Variants in FAM13C observed in about 807,000 individuals in gnomAD.
FAM13C encodes protein FAM13C.
FAM13C carries 37 observed loss-of-function variants against 73.2 expected under a neutral mutation model. The observed-to-expected ratio is 0.51, with a 90% CI of 0.39 to 0.67. The LOEUF is 0.67. FAM13C is among the 30% of genes least tolerant of loss of function. The pLI, the probability that FAM13C is intolerant of heterozygous loss-of-function variation, is 0.00. For missense variants in FAM13C, 589 were observed against 715.6 expected (o/e 0.82, Z 2.02); for synonymous variants, 246 against 260.9 (o/e 0.94, Z 0.55).
At chr10:59,281,989 G>T (rs1309088475) in intron 6 of FAM13C, among the ~76,000 whole-genome samples, 1 of 152,174 alleles carries the variant, frequency 6.6e-6, no homozygotes, top group Non-Finnish European at 1.5e-5. Flanking sequence ...AAGGGATGTT[G>T]TCTAAATAAT....
chr10:59,336,395 C>T (rs921129945), intron 3 of FAM13C, among the ~76,000 whole-genome samples: 3 of 152,198 alleles, frequency 2.0e-5, no homozygotes, highest in African/African-American at 7.2e-5. Flanking sequence ...GTCAATTCTG[C>T]AGTGTGTAAT....
chr10:59,287,900 CACTT>C (rs1845789570), intron 5 of FAM13C, among the ~76,000 whole-genome samples: 1 of 152,208 alleles, frequency 6.6e-6, no homozygotes, highest in Non-Finnish European at 1.5e-5. Context: ...CTTGACTCAT[CACTT>C]TACCCCCCAG....
At chr10:59,302,977 G>A in intron 4 of FAM13C, 113 bp from the exon 5 acceptor site, 1 of 843,478 alleles carries the variant, frequency 1.2e-6, no homozygotes. Context: ...CCTTGGTTGT[G>A]TCCCACTGCC....
intron 3 of FAM13C, among the ~76,000 whole-genome samples, chr10:59,328,965 T>A (rs1387025300): frequency 6.6e-6 from 1 of 152,170 alleles, no homozygotes; most frequent in Non-Finnish European, 1.5e-5. Flanking sequence ...CCTTCACATA[T>A]CTGTGAAAGT....
intron 3 of FAM13C, among the ~76,000 whole-genome samples, chr10:59,331,039 C>T (rs1851900639): frequency 6.6e-6 from 1 of 152,154 alleles, no homozygotes; most frequent in African/African-American, 2.4e-5. Context: ...GACATACATT[C>T]ATCATTCAAA....
intron 9 of FAM13C, 62 bp from the exon 10 acceptor site, chr10:59,262,707 G>C: frequency 7.1e-7 from 1 of 1,416,382 alleles, no homozygotes; most frequent in Admixed American, 1.9e-5. Context: ...AGAATGGAGA[G>C]ACTTTCAGGA....
intron 6 of FAM13C, among the ~76,000 whole-genome samples, chr10:59,274,103 G>A (rs1363211192): frequency 6.6e-6 from 1 of 152,132 alleles, no homozygotes; most frequent in Non-Finnish European, 1.5e-5. Flanking sequence ...ATTCTAATGA[G>A]GTTCAGGCCT....
intron 3 of FAM13C, among the ~76,000 whole-genome samples, chr10:59,325,255 G>A (rs1416644706): frequency 6.6e-6 from 1 of 152,138 alleles, no homozygotes; most frequent in African/African-American, 2.4e-5. Flanking sequence ...CAATGTGTCA[G>A]GTGTCTTAGA....
intron 5 of FAM13C, 53 bp from the exon 6 acceptor site, chr10:59,283,500 A>G: frequency 6.3e-7 from 1 of 1,576,478 alleles, no homozygotes; most frequent in South Asian, 1.1e-5. Context: ...TTGCAGCTTC[A>G]GCAAGGAATT....
rs77957968 is a variant in FAM13C, at chr10:59,362,382, T to C, written c.62+17A>G. On this transcript the variant is annotated intron_variant, in intron 1 of 13. Transcript: ENST00000618804. Reference sequence around the variant, plus strand: ...GAAAGGCATGCAAGTCTAATTTTAATGGTAAGAATCACTTACTCTGTTACA... The same window carrying C: ...GAAAGGCATGCAAGTCTAATTTTAACGGTAAGAATCACTTACTCTGTTACA... 5.5e-3 allele frequency: 8,928 copies of C among 1,613,238 alleles called. 496 individuals carry two copies. The African/African-American group carries it at 0.11, about 19-fold the overall frequency.
intron 8 of FAM13C, among the ~76,000 whole-genome samples, chr10:59,267,576 A>G (rs548212628): frequency 6.6e-6 from 1 of 152,208 alleles, no homozygotes; most frequent in South Asian, 2.1e-4. Flanking sequence ...TGCAAAGCTA[A>G]AATCTGCTCC....
rs115328353 is a variant in FAM13C at position 59,300,536 on chromosome 10, G to A, written c.507+2265C>T. 5.4e-3 allele frequency among the ~76,000 whole-genome samples: 823 copies of A among 152,186 alleles called. 12 individuals are homozygous for A. The highest frequency in any genetic ancestry group is 0.019 in the African/African-American group (785 of 41,522). On this transcript the variant is annotated intron_variant, in intron 5 of 13. Transcript: ENST00000618804. ...CTTACATGTTTATTTAGAGATGGGA[G>A]GCATACTCCTGTAAAAAGTCAGCTG...
chr10:59,261,593 A>C (rs959920723), intron 10 of FAM13C, among the ~76,000 whole-genome samples: 1 of 152,226 alleles, frequency 6.6e-6, no homozygotes, highest in South Asian at 2.1e-4. Context: ...ATGACCTATA[A>C]ATAGTGCTTC....
At chr10:59,253,338 G>A (rs1347784191) in intron 11 of FAM13C, among the ~76,000 whole-genome samples, 1 of 152,106 alleles carries the variant, frequency 6.6e-6, no homozygotes, top group African/African-American at 2.4e-5. Context: ...AGACCTTCTG[G>A]GCTCCAGCTT....
chr10:59,329,354 T>G (rs1851639007), intron 3 of FAM13C, among the ~76,000 whole-genome samples: 5 of 37,488 alleles, frequency 1.3e-4, no homozygotes, highest in African/African-American at 9.9e-4. Context: ...TTTTTTTTTT[T>G]TTTTTTTTTT....
intron 5 of FAM13C, among the ~76,000 whole-genome samples, chr10:59,284,436 C>G (rs1845309874): frequency 6.6e-6 from 1 of 151,890 alleles, no homozygotes; most frequent in Admixed American, 6.6e-5. Context: ...AGCAGAGCCA[C>G]TGGTCCTTTC....
At chr10:59,316,868 C>A (rs1360484598) in intron 4 of FAM13C, among the ~76,000 whole-genome samples, 1 of 151,860 alleles carries the variant, frequency 6.6e-6, no homozygotes, top group Non-Finnish European at 1.5e-5. Context: ...TTAAGCAGGA[C>A]AAACAAGTTA....
intron 4 of FAM13C, among the ~76,000 whole-genome samples, chr10:59,308,808 G>C (rs1848590234): frequency 6.6e-6 from 1 of 152,172 alleles, no homozygotes; most frequent in South Asian, 2.1e-4. Flanking sequence ...TTCTAAAAAT[G>C]TTTGATGTTC....
At chr10:59,270,541 G>A (rs939727922) in intron 6 of FAM13C, among the ~76,000 whole-genome samples, 1 of 151,964 alleles carries the variant, frequency 6.6e-6, no homozygotes, top group Non-Finnish European at 1.5e-5. Context: ...GGGAGTAGGA[G>A]GAAAAGAGAG....
Sources: allele counts gnomAD v4.1 joint callset (sites outside exome capture counted in the v4.1 genomes callset), GRCh38; gene constraint gnomAD v4.1.1; transcripts MANE v1.5; gene names NCBI Gene and HGNC (gene_info 2026-07-23, HGNC 2026-07-21).